The following NIPA1 variants were observed in gnomAD, a reference collection of about 807,000 sequenced individuals.
NIPA1 encodes NIPA magnesium transporter 1.
NIPA1 carries 13 observed loss-of-function variants against 23.9 expected under a neutral mutation model. That is an observed-to-expected ratio of 0.54 (90% confidence interval 0.35 to 0.87). The LOEUF is 0.87. Ranked by LOEUF, NIPA1 falls within the 40% of genes least tolerant of loss-of-function variation. The pLI is 0.01. For missense variants in NIPA1, 362 were observed against 429.7 expected, an observed-to-expected ratio of 0.84 and a Z score of 1.39; for synonymous variants, 234 against 202.9, an observed-to-expected ratio of 1.15 and a Z score of -1.30.
intron 1 of NIPA1, among the ~76,000 whole-genome samples, chr15:22,790,000 G>A (rs1284068021): frequency 6.6e-6 from 1 of 152,076 alleles, no homozygotes; most frequent in Admixed American, 6.5e-5. Context: ...CACCATGTTG[G>A]CCAGGCTGGT....
At chr15:22,791,507 G>T (rs959865555) in intron 1 of NIPA1, among the ~76,000 whole-genome samples, 1 of 59,566 alleles carries the variant, frequency 1.7e-5, no homozygotes, top group Non-Finnish European at 3.1e-5. Flanking sequence ...TTTGTGAGAC[G>T]GAGTGTTGCT....
At chr15:22,804,869 C>G (rs1213825557) in intron 1 of NIPA1, among the ~76,000 whole-genome samples, 1 of 151,974 alleles carries the variant, frequency 6.6e-6, no homozygotes, top group African/African-American at 2.4e-5. Flanking sequence ...ACGGAGTCCG[C>G]TCTGTCGCCC....
intron 1 of NIPA1, among the ~76,000 whole-genome samples, chr15:22,799,582 A>G (rs1895021970): frequency 6.6e-6 from 1 of 152,032 alleles, no homozygotes; most frequent in Non-Finnish European, 1.5e-5. Flanking sequence ...GGAGATCGAG[A>G]CCATCCTGGC....
intron 1 of NIPA1, among the ~76,000 whole-genome samples, chr15:22,803,114 G>A (rs893228143): frequency 1.3e-5 from 2 of 151,956 alleles, no homozygotes; most frequent in Admixed American, 6.6e-5. Context: ...CTGTCACCAT[G>A]CCTGGCTAAG....
intron 1 of NIPA1, among the ~76,000 whole-genome samples, chr15:22,791,976 T>C (rs1894839291): frequency 6.6e-6 from 1 of 151,908 alleles, no homozygotes; most frequent in Admixed American, 6.6e-5. Context: ...TTGGAAGACA[T>C]AGTCCAGGGA....
chr15:22,808,766 C>T (rs1895263664), intron 1 of NIPA1, among the ~76,000 whole-genome samples: 1 of 150,132 alleles, frequency 6.7e-6, no homozygotes, highest in African/African-American at 2.5e-5. Flanking sequence ...TCCTCCTGGG[C>T]TCAAGCGATT....
rs1895410427 is a variant in NIPA1 at position 22,816,138 on chromosome 15, G to A, written c.317+3885G>A. Among the ~76,000 whole-genome samples the A allele has an allele frequency of 3.3e-5, 5 of 149,330 alleles. No homozygotes were observed. In the South Asian group the frequency reaches 8.5e-4, roughly 25 times the overall value. On this transcript the variant is annotated intron_variant, in intron 3 of 4. Transcript: ENST00000337435. ...ATTAAAAGGCATCCATATTGGAAAG[G>A]AAAGGAAGAATTTAATTGCCTTTAT... is the stretch of plus-strand genomic sequence containing the variant.
At position 22,823,877 on chromosome 15, in the gene NIPA1, G is replaced by A. The variant is rs745987164; in HGVS notation, c.628G>A (p.Gly210Arg). 2 of 1,614,158 alleles carry A rather than the reference G, an allele frequency of 1.2e-6. No homozygotes were observed. Among genetic ancestry groups the A allele is most frequent in the Admixed American group, 1.7e-5 (1 of 60,038 alleles). The change falls in exon 5 of 5, where the codon GGG (glycine) becomes AGG (arginine). Residue 210 changes from glycine to arginine, a missense_variant. This residue lies in a region of NIPA1 where 277 missense variants were observed against 372.0 expected (regional missense o/e 0.74). Coordinates refer to ENST00000337435, the MANE Select transcript of NIPA1 (RefSeq NM_144599.5). ...SFTVPSTKGI[G>R]LAAQDILHNN... ...CACCGTGCCTTCCACCAAGGGCATCGGGCTGGCGGCCCAAGACATCTTGCA... is the reference window on the plus strand; with the variant it reads ...CACCGTGCCTTCCACCAAGGGCATCAGGCTGGCGGCCCAAGACATCTTGCA...
intron 2 of NIPA1, chr15:22,811,034 G>A: frequency 1.8e-6 from 1 of 557,178 alleles, no homozygotes; most frequent in East Asian, 3.1e-5. Flanking sequence ...AGGAGCTGGT[G>A]GAGGCCCCTG....
intron 3 of NIPA1, chr15:22,813,613 G>T: frequency 4.4e-6 from 2 of 455,714 alleles, no homozygotes; most frequent in South Asian, 3.1e-5. Context: ...TGGATACATT[G>T]GTTTTCTGCT....
chr15:22,815,613 C>T (rs934963920), intron 3 of NIPA1, among the ~76,000 whole-genome samples: 1 of 150,502 alleles, frequency 6.6e-6, no homozygotes, highest in African/African-American at 2.4e-5. Flanking sequence ...AAAACTCTGT[C>T]CCTCCCCCGC....
intron 2 of NIPA1, among the ~76,000 whole-genome samples, chr15:22,811,807 A>C (rs983765808): frequency 6.6e-6 from 1 of 152,194 alleles, no homozygotes; most frequent in African/African-American, 2.4e-5. Flanking sequence ...CCTATGCCAG[A>C]GTAGGTCCCA....
intron 4 of NIPA1, among the ~76,000 whole-genome samples, chr15:22,823,454 C>T (rs1048104988): frequency 2.0e-5 from 3 of 152,254 alleles, no homozygotes; most frequent in Non-Finnish European, 4.4e-5. Context: ...CCTGCCTTGG[C>T]CCCCCAAAGT....
Position 22,788,969 on chromosome 15 carries a change from T to C in NIPA1, c.178+2135T>C, listed in dbSNP as rs1328859323. Among the ~76,000 whole-genome samples the C allele has an allele frequency of 6.0e-5, 9 of 149,032 alleles. No homozygotes were observed. The East Asian group carries it at 1.6e-3, about 27-fold the overall frequency. ...TGCTGTTTCTTATACCTATATACTA[T>C]GCTTTCATTCATTTATTTATTTTTT... On this transcript the variant is annotated intron_variant, in intron 1 of 4. Transcript: ENST00000337435.
chr15:22,799,615 T>C (rs1895024160), intron 1 of NIPA1, among the ~76,000 whole-genome samples: 1 of 151,916 alleles, frequency 6.6e-6, no homozygotes, highest in Non-Finnish European at 1.5e-5. Flanking sequence ...ACCCCATCTC[T>C]ACTAAAAATA....
chr15:22,819,501 A>T (rs1223468167), intron 3 of NIPA1: 1 of 152,182 alleles, frequency 6.6e-6, no homozygotes, highest in Non-Finnish European at 1.5e-5. Context: ...GAGATTATAG[A>T]TGTTTTTGAA....
At chr15:22,803,386 T>C (rs756849455) in intron 1 of NIPA1, among the ~76,000 whole-genome samples, 1 of 152,024 alleles carries the variant, frequency 6.6e-6, no homozygotes, top group South Asian at 2.1e-4. Flanking sequence ...CTCACACATA[T>C]ATACGCATAT....
In NIPA1 at chr15:22,812,387, T is replaced by C. The variant is rs532208469; in HGVS notation, c.317+134T>C. On this transcript the variant is annotated intron_variant, in intron 3 of 4. Transcript: ENST00000337435. ...GATCTTCAGGCCGGGCATGGTGGCTTACGCCTGTAATCCCAGCACTTTGGG... is the reference window on the plus strand; with the variant it reads ...GATCTTCAGGCCGGGCATGGTGGCTCACGCCTGTAATCCCAGCACTTTGGG... 1.2e-4 allele frequency: 85 copies of C among 693,302 alleles called. 1 individual carries two copies. Among genetic ancestry groups the C allele is most frequent in the East Asian group, 5.5e-4 (17 of 30,800 alleles). The allele number at this position is 693,302 out of a possible 1,614,324, so 42.9% of individuals were successfully genotyped here.
intron 1 of NIPA1, among the ~76,000 whole-genome samples, chr15:22,791,009 C>T (rs560512716): frequency 6.6e-6 from 1 of 152,154 alleles, no homozygotes; most frequent in Non-Finnish European, 1.5e-5. Flanking sequence ...TTTAGGGGTA[C>T]AAATGCAGTT....
Sources: gnomAD v4.1 joint callset for allele counts (sites outside exome capture counted in the v4.1 genomes callset) on GRCh38, gnomAD v4.1.1 for gene constraint, gnomAD v4.1.1 regional missense constraint, MANE v1.5 for transcripts, NCBI Gene and HGNC (gene_info 2026-07-23, HGNC 2026-07-21) for gene names.